Variants in TMEM132C observed in about 807,000 individuals in gnomAD.
The protein encoded by TMEM132C is transmembrane protein 132C.
Under a neutral mutation model 61.4 loss-of-function variants are expected in TMEM132C, and 29 were observed. The ratio of observed to expected loss-of-function variants is 0.47; its 90% confidence interval spans 0.35 to 0.64. The LOEUF is 0.64. Ranked by LOEUF, TMEM132C falls within the 30% of genes least tolerant of loss-of-function variation. The pLI is 0.00. For synonymous variants in TMEM132C, 656 were observed against 633.1 expected (o/e 1.04, Z -0.54); for missense variants, 1,408 against 1,476.9 (o/e 0.95, Z 0.76).
At chr12:128,451,339 C>T (rs1175557778) in intron 2 of TMEM132C, among the ~76,000 whole-genome samples, 1 of 152,166 alleles carries the variant, frequency 6.6e-6, no homozygotes, top group Admixed American at 6.5e-5. Context: ...AAAGAAAAGA[C>T]ACAAGCATCT....
chr12:128,372,610 C>A (rs1392604010), intron 1 of TMEM132C, among the ~76,000 whole-genome samples: 1 of 151,934 alleles, frequency 6.6e-6, no homozygotes, highest in African/African-American at 2.4e-5. Flanking sequence ...CTGTCTAGTT[C>A]CAAAAAGAAG....
rs963894852 is a variant in TMEM132C, at chr12:128,475,581, T to G, written c.974+59961T>G. Among the ~76,000 whole-genome samples the G allele has an allele frequency of 7.2e-5, 11 of 152,216 alleles. No homozygotes were observed. In the East Asian group the frequency reaches 1.9e-3, roughly 27 times the overall value. On this transcript the variant is annotated intron_variant, in intron 2 of 8. Coordinates refer to ENST00000435159, the MANE Select transcript of TMEM132C (RefSeq NM_001136103.3). ...GAATTATATCTCAATAAAAAAAAAT[T>G]TAGGTTTAAGTTTATACTGAAGACC...
intron 1 of TMEM132C, among the ~76,000 whole-genome samples, chr12:128,296,475 T>C (rs73432717): frequency 3.7e-4 from 56 of 152,290 alleles, no homozygotes; most frequent in African/African-American, 1.3e-3. Context: ...ACAGTTTATA[T>C]GTTTATGGCT....
chr12:128,685,168 G>GA (rs2135643750), intron 5 of TMEM132C, among the ~76,000 whole-genome samples: 1 of 152,224 alleles, frequency 6.6e-6, no homozygotes, highest in East Asian at 1.9e-4. Context: ...AAACAGGAGA[G>GA]AAAATAGAAT....
chr12:128,552,037 T>C (rs1874192331), intron 3 of TMEM132C, among the ~76,000 whole-genome samples: 1 of 152,216 alleles, frequency 6.6e-6, no homozygotes, highest in Non-Finnish European at 1.5e-5. Context: ...GGGGACTCCG[T>C]GTTGGGAATG....
At chr12:128,374,897 G>T (rs563101559) in intron 1 of TMEM132C, among the ~76,000 whole-genome samples, 1 of 138,610 alleles carries the variant, frequency 7.2e-6, no homozygotes, top group Admixed American at 7.7e-5. Context: ...CTCCAGCCTG[G>T]GCGACAAACT....
At chr12:128,681,538 G>A (rs1373448188) in intron 5 of TMEM132C, among the ~76,000 whole-genome samples, 2 of 152,022 alleles carry the variant, frequency 1.3e-5, no homozygotes, top group Non-Finnish European at 2.9e-5. Context: ...GAAGTAATCA[G>A]TATTTTTATG....
In TMEM132C at chr12:128,503,342, C is replaced by T. The variant is rs147373150; in HGVS notation, c.975-40615C>T. Among the ~76,000 whole-genome samples, 71 of 151,348 alleles carry T rather than the reference C, an allele frequency of 4.7e-4. 1 individual carries two copies. The highest frequency in any genetic ancestry group is 3.5e-3 in the Middle Eastern group (1 of 288). ...AACAATGAGGAATTTTAAGTGTAGG[C>T]GAGGAGCCGAGGTTTCTGGTCTTGT... On this transcript the variant is annotated intron_variant, in intron 2 of 8. Transcript: ENST00000435159.
chr12:128,693,704 C>A, intron 5 of TMEM132C, 125 bp from the exon 6 acceptor site: 6 of 1,105,510 alleles, frequency 5.4e-6, no homozygotes, highest in Non-Finnish European at 6.5e-6. Context: ...TTGTCTCAGG[C>A]TCTGCTTTAG....
At chr12:128,346,211 T>C (rs78793346) in intron 1 of TMEM132C, among the ~76,000 whole-genome samples, 12 of 152,306 alleles carry the variant, frequency 7.9e-5, no homozygotes, top group African/African-American at 2.9e-4. Context: ...AGTAGATAGC[T>C]GTAGGTGTGT....
At chr12:128,600,505 G>A (rs1876144932) in intron 3 of TMEM132C, among the ~76,000 whole-genome samples, 1 of 152,184 alleles carries the variant, frequency 6.6e-6, no homozygotes, top group Non-Finnish European at 1.5e-5. Flanking sequence ...CTAATACAAA[G>A]GGAAGTGCTG....
At chr12:128,361,623 C>T (rs6486539) in intron 1 of TMEM132C, among the ~76,000 whole-genome samples, 117,273 of 151,880 alleles carry the variant, frequency 0.77, 47,386 homozygotes, top group South Asian at 0.91. Flanking sequence ...TGAGGCTCTA[C>T]GAAAACTGAA....
chr12:128,357,173 T>G (rs557919351), intron 1 of TMEM132C, among the ~76,000 whole-genome samples: 1 of 152,270 alleles, frequency 6.6e-6, no homozygotes, highest in Admixed American at 6.5e-5. Flanking sequence ...ATCGGGTTAC[T>G]TTGGGGAGAA....
intron 1 of TMEM132C, among the ~76,000 whole-genome samples, chr12:128,292,496 G>A (rs998951193): frequency 5.3e-5 from 8 of 152,202 alleles, no homozygotes; most frequent in Admixed American, 5.2e-4. Flanking sequence ...TCTGTTGCCA[G>A]TACTGAAACC....
At chr12:128,543,575 A>T (rs527263805) in intron 2 of TMEM132C, among the ~76,000 whole-genome samples, 1 of 152,246 alleles carries the variant, frequency 6.6e-6, no homozygotes, top group Admixed American at 6.5e-5. Flanking sequence ...ACACACAGCC[A>T]TGACAACTAC....
chr12:128,572,345 G>A (rs1430276386), intron 3 of TMEM132C, among the ~76,000 whole-genome samples: 3 of 151,772 alleles, frequency 2.0e-5, no homozygotes, highest in African/African-American at 7.3e-5. Context: ...CCAGACCTGG[G>A]TCACATGACT....
At chr12:128,276,981 A>C (rs928079847) in intron 1 of TMEM132C, among the ~76,000 whole-genome samples, 3 of 152,122 alleles carry the variant, frequency 2.0e-5, no homozygotes, top group Non-Finnish European at 4.4e-5. Context: ...AGACAAAACA[A>C]ACAAACAAAA....
chr12:128,433,886 C>A (rs934421801), intron 2 of TMEM132C, among the ~76,000 whole-genome samples: 7 of 152,242 alleles, frequency 4.6e-5, no homozygotes, highest in Non-Finnish European at 8.8e-5. Flanking sequence ...GTTTCCTGTG[C>A]AGTACAAAAG....
intron 3 of TMEM132C, among the ~76,000 whole-genome samples, chr12:128,572,799 G>GC (rs1874940145): frequency 6.6e-6 from 1 of 152,264 alleles, no homozygotes; most frequent in African/African-American, 2.4e-5. Context: ...CCAGGCCTGG[G>GC]TCACATGCCC....
Sources: gnomAD v4.1 joint callset for allele counts (sites outside exome capture counted in the v4.1 genomes callset) on GRCh38, gnomAD v4.1.1 for gene constraint, MANE v1.5 for transcripts, NCBI Gene and HGNC (gene_info 2026-07-23, HGNC 2026-07-21) for gene names.